JAKMIP2: variants seen among roughly 807,000 people sequenced by gnomAD.
The protein encoded by JAKMIP2 is janus kinase and microtubule-interacting protein 2.
JAKMIP2 carries 25 observed loss-of-function variants against 115.0 expected under a neutral mutation model. The observed-to-expected ratio is 0.22, with a 90% confidence interval of 0.16 to 0.30. JAKMIP2 has a LOEUF of 0.30. JAKMIP2 is among the 10% of genes least tolerant of loss of function. The pLI is 1.00. For missense variants in JAKMIP2, 642 were observed against 957.6 expected, an observed-to-expected ratio of 0.67 and a Z score of 4.35; for synonymous variants, 334 against 343.6, an observed-to-expected ratio of 0.97 and a Z score of 0.31.
At chr5:147,592,401 T>G (rs758143228) in intron 21 of JAKMIP2, among the ~76,000 whole-genome samples, 42 of 152,318 alleles carry the variant, frequency 2.8e-4, no homozygotes, top group Non-Finnish European at 5.1e-4. Context: ...GGTTTCTTGG[T>G]TGGCCCAGAG....
intron 1 of JAKMIP2, among the ~76,000 whole-genome samples, chr5:147,769,568 T>C (rs1755274269): frequency 6.6e-6 from 1 of 152,040 alleles, no homozygotes; most frequent in Non-Finnish European, 1.5e-5. Context: ...CTAATGAAAA[T>C]AGGATGCTGA....
intron 19 of JAKMIP2, among the ~76,000 whole-genome samples, chr5:147,616,195 A>G (rs1756572100): frequency 6.6e-6 from 1 of 152,218 alleles, no homozygotes; most frequent in African/African-American, 2.4e-5. Context: ...TTTAGAAGTT[A>G]GAGTGTATTA....
chr5:147,601,882 C>A, intron 20 of JAKMIP2, 71 bp from the exon 21 acceptor site: 1 of 697,704 alleles, frequency 1.4e-6, no homozygotes, highest in Non-Finnish European at 2.4e-6. Context: ...TACAAAACCT[C>A]AGCTTTTCCA....
At chr5:147,706,238 G>T (rs1752555352) in intron 1 of JAKMIP2, among the ~76,000 whole-genome samples, 1 of 152,094 alleles carries the variant, frequency 6.6e-6, no homozygotes. Flanking sequence ...AATTCCCTCG[G>T]TTCACTGATT....
intron 20 of JAKMIP2, among the ~76,000 whole-genome samples, chr5:147,602,385 T>C (rs1024201969): frequency 1.7e-4 from 26 of 152,174 alleles, no homozygotes; most frequent in Admixed American, 5.9e-4. Flanking sequence ...CTGTTAATAA[T>C]TACATTGGGT....
Position 147,721,221 on chromosome 5 carries a change from T to G in JAKMIP2, c.-148-49267A>C, listed in dbSNP as rs541111204. 7.6e-4 allele frequency among the ~76,000 whole-genome samples: 115 copies of G among 151,826 alleles called. 3 individuals carry two copies. The South Asian group carries it at 0.024, about 31-fold the overall frequency. ...GTCTGCCCGTTCTCAGATCTCCAGC[T>G]GCGTGCTGGGAGAACCACTGCTCTC... On this transcript the variant is annotated intron_variant, in intron 1 of 21. Transcript: ENST00000616793.
chr5:147,681,065 G>A lies in JAKMIP2; in HGVS notation c.-148-9111C>T, dbSNP rs571937819. On this transcript the variant is annotated intron_variant, in intron 1 of 21. Coordinates refer to ENST00000616793, the MANE Select transcript of JAKMIP2 (RefSeq NM_001270941.2). ...TAGTAGTTGTTACAAATTATTTAATGTCAATACACTGTTTCACATGAAAAG... is the reference window on the plus strand; with the variant it reads ...TAGTAGTTGTTACAAATTATTTAATATCAATACACTGTTTCACATGAAAAG... Among the ~76,000 whole-genome samples, 7 of 152,184 alleles carry A rather than the reference G, an allele frequency of 4.6e-5. No homozygotes were observed. In the South Asian group the frequency reaches 1.5e-3, roughly 32 times the overall value.
intron 1 of JAKMIP2, among the ~76,000 whole-genome samples, chr5:147,727,492 A>T (rs1175252687): frequency 6.6e-6 from 1 of 152,198 alleles, no homozygotes; most frequent in African/African-American, 2.4e-5. Flanking sequence ...CCTTCTTCAC[A>T]TGGCAGCAGG....
chr5:147,676,400 G>A (rs528074284), intron 1 of JAKMIP2, among the ~76,000 whole-genome samples: 36 of 152,270 alleles, frequency 2.4e-4, no homozygotes, highest in African/African-American at 8.2e-4. Context: ...GAATGTTTCC[G>A]GACACTCCGA....
intron 12 of JAKMIP2, among the ~76,000 whole-genome samples, chr5:147,634,104 T>A (rs1757497045): frequency 6.6e-6 from 1 of 152,206 alleles, no homozygotes; most frequent in Admixed American, 6.5e-5. Flanking sequence ...TTTAAAATCT[T>A]GAATTTAGAA....
intron 1 of JAKMIP2, 57 bp from the exon 2 acceptor site, chr5:147,672,011 A>G: frequency 5.9e-6 from 7 of 1,185,586 alleles, no homozygotes; most frequent in Non-Finnish European, 7.3e-6. Flanking sequence ...TCTAAGTGCC[A>G]GTCAGTCTAC....
At chr5:147,727,738 T>G (rs1196593126) in intron 1 of JAKMIP2, among the ~76,000 whole-genome samples, 2 of 152,232 alleles carry the variant, frequency 1.3e-5, no homozygotes, top group Non-Finnish European at 2.9e-5. Flanking sequence ...AAAAGTCAGC[T>G]CAATTAAAAG....
rs374994931 is a variant in JAKMIP2 at position 147,659,210 on chromosome 5, G to C, written c.627+1738C>G. Among the ~76,000 whole-genome samples, 291 of 152,280 alleles carry C rather than the reference G, an allele frequency of 1.9e-3. 3 individuals carry two copies. Among genetic ancestry groups the C allele is most frequent in the African/African-American group, 6.8e-3 (284 of 41,558 alleles). On this transcript the variant is annotated intron_variant, in intron 3 of 21. Transcript: ENST00000616793. ...GAGGGAATGTGCTGATCCGTGGATT[G>C]CAAGTGTCCATGGGAAAAGCGTAGT... is the stretch of plus-strand genomic sequence containing the variant.
At chr5:147,775,411 TATA>T (rs1345337272) in intron 1 of JAKMIP2, among the ~76,000 whole-genome samples, 1 of 152,202 alleles carries the variant, frequency 6.6e-6, no homozygotes, top group East Asian at 1.9e-4. Flanking sequence ...ACTTGCTGCT[TATA>T]ATAATTAAAT....
chr5:147,642,501 A>T (rs1400034080), intron 7 of JAKMIP2, among the ~76,000 whole-genome samples: 14 of 152,190 alleles, frequency 9.2e-5, no homozygotes, highest in Non-Finnish European at 1.9e-4. Context: ...TAAATAGCCC[A>T]AAATTCTATA....
At chr5:147,737,541 C>T (rs148952134) in intron 1 of JAKMIP2, among the ~76,000 whole-genome samples, 202 of 152,242 alleles carry the variant, frequency 1.3e-3, no homozygotes, top group African/African-American at 4.7e-3. Flanking sequence ...AGCAATCAAG[C>T]TGTGACAGAC....
At chr5:147,622,831 CT>C (rs1343190907) in intron 17 of JAKMIP2, among the ~76,000 whole-genome samples, 3 of 152,176 alleles carry the variant, frequency 2.0e-5, no homozygotes, top group Non-Finnish European at 2.9e-5. Flanking sequence ...AACCACCATA[CT>C]TTTTTTCATA....
intron 1 of JAKMIP2, among the ~76,000 whole-genome samples, chr5:147,778,719 T>A (rs1485530730): frequency 6.6e-6 from 1 of 151,926 alleles, no homozygotes; most frequent in Admixed American, 6.6e-5. Flanking sequence ...GACAGAATCA[T>A]AAAAACTTGT....
intron 2 of JAKMIP2, among the ~76,000 whole-genome samples, chr5:147,664,405 C>T (rs1265041172): frequency 1.3e-5 from 2 of 152,270 alleles, no homozygotes; most frequent in East Asian, 3.9e-4. Flanking sequence ...GCTCCTGCTT[C>T]TCCCTCTCTG....
Sources: allele counts gnomAD v4.1 joint callset (sites outside exome capture counted in the v4.1 genomes callset), GRCh38; gene constraint gnomAD v4.1.1; transcripts MANE v1.5; gene names NCBI Gene and HGNC (gene_info 2026-07-23, HGNC 2026-07-21).